PLAG1: variants seen among roughly 807,000 people sequenced by gnomAD.
PLAG1 encodes zinc finger protein PLAG1.
A neutral mutation model predicts 35.5 loss-of-function variants in PLAG1; 7 were observed. The ratio of observed to expected loss-of-function variants is 0.20; its 90% CI spans 0.11 to 0.37. The LOEUF (loss-of-function observed/expected upper bound fraction) is 0.37, where lower values mean the gene tolerates loss of function less well. Among genes scored for constraint, PLAG1 ranks in the 10% least tolerant of loss-of-function variants. The pLI is 1.00. For missense variants in PLAG1, 454 were observed against 602.8 expected (o/e 0.75, Z 2.58); for synonymous variants, 229 against 225.4 (o/e 1.02, Z -0.14).
At chr8:56,172,083 T>A (rs1445967097) in intron 2 of PLAG1, among the ~76,000 whole-genome samples, 2 of 152,208 alleles carry the variant, frequency 1.3e-5, no homozygotes, top group Non-Finnish European at 2.9e-5. Flanking sequence ...ATCATGATTA[T>A]AAAGGGATAA....
rs370922539 is a variant in PLAG1 at position 56,205,523 on chromosome 8, G to C, written c.-322+5598C>G. Among the ~76,000 whole-genome samples the C allele has an allele frequency of 2.3e-4, 35 of 150,980 alleles. No homozygotes were observed. The East Asian group carries it at 6.6e-3, about 28-fold the overall frequency. On this transcript the variant is annotated intron_variant, in intron 1 of 4. Coordinates refer to ENST00000316981, the MANE Select transcript of PLAG1 (RefSeq NM_002655.3). Reference sequence around the variant, plus strand: ...ATCTCCCCAATTATCTAATTTTTAAGGCAAAATTACAACTTTTGCCTTGTA... The same window carrying C: ...ATCTCCCCAATTATCTAATTTTTAACGCAAAATTACAACTTTTGCCTTGTA...
rs1287748907 is a variant in PLAG1, at chr8:56,161,054, CAATA to C, written c.*5185_*5188del. On this transcript the variant is annotated 3_prime_UTR_variant, in exon 5 of 5. Coordinates refer to ENST00000316981, the MANE Select transcript of PLAG1 (RefSeq NM_002655.3). Reference sequence around the variant, plus strand: ...TAATATTTTAAATCTGGTATATGGACAATAAATAGTCTGCTTCTTTGGATGTGAA... The same window carrying C: ...TAATATTTTAAATCTGGTATATGGACAATAGTCTGCTTCTTTGGATGTGAA... 1 of 183,608 alleles carries C rather than the reference CAATA, an allele frequency of 5.4e-6. No homozygotes were observed. The highest frequency in any genetic ancestry group is 1.2e-5 in the Non-Finnish European group (1 of 86,190). The allele number at this position is 183,608 out of a possible 1,614,324, so 11.4% of individuals were successfully genotyped here.
intron 1 of PLAG1, among the ~76,000 whole-genome samples, chr8:56,208,071 A>G (rs1585834807): frequency 6.8e-6 from 1 of 147,160 alleles, no homozygotes; most frequent in South Asian, 2.1e-4. Context: ...GAATTCCTTC[A>G]TTTTTTTATA....
At chr8:56,190,500 A>G (rs1383906505) in intron 1 of PLAG1, among the ~76,000 whole-genome samples, 1 of 152,096 alleles carries the variant, frequency 6.6e-6, no homozygotes. Context: ...GAAAAGAACT[A>G]TTATACTTTG....
At chr8:56,204,998 C>T (rs867866149) in intron 1 of PLAG1, among the ~76,000 whole-genome samples, 1 of 151,738 alleles carries the variant, frequency 6.6e-6, no homozygotes, top group South Asian at 2.1e-4. Context: ...AATTAATAAA[C>T]GGGAAAGAAA....
At chr8:56,185,612 A>G (rs547522870) in intron 1 of PLAG1, among the ~76,000 whole-genome samples, 165 of 152,306 alleles carry the variant, frequency 1.1e-3, no homozygotes, top group African/African-American at 3.9e-3. Flanking sequence ...TTGCACTCAG[A>G]CCTTACTAGA....
At chr8:56,188,574 C>G (rs928427156) in intron 1 of PLAG1, among the ~76,000 whole-genome samples, 4 of 152,236 alleles carry the variant, frequency 2.6e-5, no homozygotes, top group Non-Finnish European at 4.4e-5. Context: ...AGGCACCTAT[C>G]ACAATGCTGG....
At chr8:56,194,662 G>A (rs1289502497) in intron 1 of PLAG1, among the ~76,000 whole-genome samples, 1 of 151,958 alleles carries the variant, frequency 6.6e-6, no homozygotes, top group African/African-American at 2.4e-5. Flanking sequence ...TGTGTATGTG[G>A]GTGCAGCATG....
chr8:56,167,989 A>C lies in PLAG1; in HGVS notation c.242+39T>G. ...ACAATGGCTTCAAACAGCCAACATA[A>C]GAGAAAATATAATCTGAAAGACAAA... On this transcript the variant is annotated intron_variant, in intron 4 of 4. Coordinates refer to ENST00000316981, the MANE Select transcript of PLAG1 (RefSeq NM_002655.3). The surrounding 1 kb of genome is among the most constrained non-coding windows in gnomAD (Gnocchi z 5.9). The C allele has an allele frequency of 1.7e-6, 2 of 1,147,634 alleles. No homozygotes were observed. Among genetic ancestry groups the C allele is most frequent in the East Asian group, 2.4e-5 (1 of 42,096 alleles). 71.1% of individuals were successfully genotyped at this position (1,147,634 alleles called of 1,614,324 possible). A position where few individuals can be genotyped will look rare whatever the true frequency, so the allele number is the denominator to read the frequency against.
intron 1 of PLAG1, among the ~76,000 whole-genome samples, chr8:56,205,059 G>T (rs1056142065): frequency 2.0e-5 from 3 of 151,874 alleles, no homozygotes; most frequent in Admixed American, 2.0e-4. Flanking sequence ...GAAATTAGGA[G>T]CTTTGTTGGT....
Position 56,166,228 on chromosome 8 carries a change from C to T in PLAG1, c.*15G>A, listed in dbSNP as rs534097674. ...CTACACATACATTTCTGTAATGAAT[C>T]CATGTCCCAGAATCCTACTGAAAAG... On this transcript the variant is annotated 3_prime_UTR_variant, in exon 5 of 5. Coordinates refer to ENST00000316981, the MANE Select transcript of PLAG1 (RefSeq NM_002655.3). The T allele has an allele frequency of 9.1e-6, 14 of 1,539,598 alleles. No individual in the cohort carries two copies. Among genetic ancestry groups the T allele is most frequent in the African/African-American group, 8.3e-5 (6 of 72,396 alleles).
chr8:56,171,646 G>A (rs932594932), intron 2 of PLAG1, among the ~76,000 whole-genome samples: 7 of 152,164 alleles, frequency 4.6e-5, no homozygotes, highest in Non-Finnish European at 1.0e-4. Flanking sequence ...CCCATACTGT[G>A]CACACTAGCA....
intron 1 of PLAG1, among the ~76,000 whole-genome samples, chr8:56,188,288 G>A (rs1296270495): frequency 1.3e-5 from 2 of 152,152 alleles, no homozygotes; most frequent in Non-Finnish European, 2.9e-5. Flanking sequence ...ATGCAGGGAG[G>A]GGACAGGGAT....
chr8:56,200,603 C>T (rs771251399), intron 1 of PLAG1, among the ~76,000 whole-genome samples: 13 of 152,210 alleles, frequency 8.5e-5, no homozygotes, highest in Non-Finnish European at 1.8e-4. Context: ...GTAATAAAGG[C>T]TTTTCACAAT....
intron 1 of PLAG1, among the ~76,000 whole-genome samples, chr8:56,180,441 C>T (rs1240476963): frequency 6.6e-6 from 1 of 152,196 alleles, no homozygotes; most frequent in Non-Finnish European, 1.5e-5. Flanking sequence ...GAATATATAC[C>T]TTTTGTCGTG....
chr8:56,179,829 A>G lies in PLAG1; in HGVS notation c.-321-316T>C, dbSNP rs1811813123. On this transcript the variant is annotated intron_variant, in intron 1 of 4. Coordinates refer to ENST00000316981, the MANE Select transcript of PLAG1 (RefSeq NM_002655.3). ...TTTTATTTATGTTCTAAACACACCC[A>G]TTATCTTCTCTGCAACACAGTTTTC... Among the ~76,000 whole-genome samples the G allele has an allele frequency of 2.0e-5, 3 of 152,094 alleles. No individual in the cohort carries two copies. The South Asian group carries it at 6.2e-4, about 31-fold the overall frequency.
At chr8:56,205,666 T>A (rs1489352487) in intron 1 of PLAG1, among the ~76,000 whole-genome samples, 1 of 151,966 alleles carries the variant, frequency 6.6e-6, no homozygotes. Flanking sequence ...TAGTCCATAC[T>A]TATTGTTACA....
At position 56,163,462 on chromosome 8, in the gene PLAG1, G is replaced by T; in HGVS notation, c.*2781C>A. 5.0e-6 allele frequency: 1 copy of T among 199,018 alleles called. No individual in the cohort carries two copies. Among genetic ancestry groups the T allele is most frequent in the East Asian group, 7.7e-5 (1 of 13,012 alleles). The allele number at this position is 199,018 out of a possible 1,614,324, so 12.3% of individuals were successfully genotyped here. ...TCTTTAATAGAAATTCTCTCAAAAA[G>T]GGTTTAGTGACCACTACAGTCAATT... On this transcript the variant is annotated 3_prime_UTR_variant, in exon 5 of 5. Coordinates refer to ENST00000316981, the MANE Select transcript of PLAG1 (RefSeq NM_002655.3).
In PLAG1 at chr8:56,165,828, A is replaced by T. The variant is rs1811336726; in HGVS notation, c.*415T>A. The T allele has an allele frequency of 5.1e-6, 1 of 197,086 alleles. No individual in the cohort carries two copies. The highest frequency in any genetic ancestry group is 6.0e-5 in the Admixed American group (1 of 16,576). The allele number at this position is 197,086 out of a possible 1,614,324, so 12.2% of individuals were successfully genotyped here. On this transcript the variant is annotated 3_prime_UTR_variant, in exon 5 of 5. Transcript: ENST00000316981. Reference sequence around the variant, plus strand: ...AAATTTAAACCCTTGAGTTATTCACAAACTTTTTATACAATTTACATTCTA... The same window carrying T: ...AAATTTAAACCCTTGAGTTATTCACTAACTTTTTATACAATTTACATTCTA...
Sources: gnomAD v4.1 joint callset for allele counts (sites outside exome capture counted in the v4.1 genomes callset) on GRCh38, gnomAD v4.1.1 for gene constraint, Gnocchi (gnomAD v3.1) non-coding constraint, MANE v1.5 for transcripts, NCBI Gene and HGNC (gene_info 2026-07-23, HGNC 2026-07-21) for gene names.